PELI2: variants seen among roughly 807,000 people sequenced by gnomAD.
PELI2 encodes pellino E3 ubiquitin protein ligase family member 2.
PELI2 carries 23 observed loss-of-function variants against 42.3 expected under a neutral mutation model. That is an observed-to-expected ratio of 0.54 (90% CI 0.39 to 0.77). PELI2 has a LOEUF of 0.77. Among genes scored for constraint, PELI2 ranks in the 30% least tolerant of loss-of-function variants. PELI2 has a pLI of 0.00. For missense variants in PELI2, 463 were observed against 553.2 expected (o/e 0.84, Z 1.64); for synonymous variants, 245 against 212.2 (o/e 1.15, Z -1.34).
intron 1 of PELI2, among the ~76,000 whole-genome samples, chr14:56,146,278 A>T (rs1884114472): frequency 6.6e-6 from 1 of 152,220 alleles, no homozygotes; most frequent in South Asian, 2.1e-4. Flanking sequence ...TTAGTGACAG[A>T]CAATGGAAAT....
intron 1 of PELI2, chr14:56,119,796 T>G (rs1420936644): frequency 1.0e-6 from 1 of 984,818 alleles, no homozygotes. Context: ...TGTGTCGCTC[T>G]GGGAACCCGC....
chr14:56,158,360 G>A (rs1360637791), intron 1 of PELI2, among the ~76,000 whole-genome samples: 1 of 151,550 alleles, frequency 6.6e-6, no homozygotes, highest in Non-Finnish European at 1.5e-5. Flanking sequence ...TTAATTTTTC[G>A]AGACAGGGTC....
Position 56,300,475 on chromosome 14 carries a change from A to T in PELI2, c.*3309A>T, listed in dbSNP as rs908666278. 6.6e-6 allele frequency: 1 copy of T among 152,288 alleles called. No individual in the cohort carries two copies. Among genetic ancestry groups the T allele is most frequent in the Admixed American group, 6.6e-5 (1 of 15,266 alleles). The allele number at this position is 152,288 out of a possible 1,614,324, so 9.4% of individuals were successfully genotyped here. ...TTTTTTTTTTTCATGGAAAAACTCAAACCTCTGTTATTTGGGAGCTCAGTA... is the reference window on the plus strand; with the variant it reads ...TTTTTTTTTTTCATGGAAAAACTCATACCTCTGTTATTTGGGAGCTCAGTA... On this transcript the variant is annotated 3_prime_UTR_variant, in exon 6 of 6. Coordinates refer to ENST00000267460, the MANE Select transcript of PELI2 (RefSeq NM_021255.3).
intron 2 of PELI2, among the ~76,000 whole-genome samples, chr14:56,252,854 CTA>C (rs1888394423): frequency 6.6e-6 from 1 of 152,146 alleles, no homozygotes; most frequent in Admixed American, 6.5e-5. Flanking sequence ...TCAACTCATT[CTA>C]TGAGGCCAGC....
At chr14:56,140,189 T>G (rs185433551) in intron 1 of PELI2, among the ~76,000 whole-genome samples, 46 of 152,244 alleles carry the variant, frequency 3.0e-4, no homozygotes, top group African/African-American at 1.1e-3. Context: ...GTTTATAATT[T>G]TACAGAATTG....
chr14:56,213,093 A>T (rs1886767313), intron 2 of PELI2, among the ~76,000 whole-genome samples: 1 of 152,206 alleles, frequency 6.6e-6, no homozygotes, highest in Admixed American at 6.5e-5. Flanking sequence ...ACTCAAGCCC[A>T]TCTTTAAAAT....
intron 1 of PELI2, among the ~76,000 whole-genome samples, chr14:56,164,865 C>A (rs1243439203): frequency 2.0e-5 from 3 of 151,794 alleles, no homozygotes; most frequent in African/African-American, 7.3e-5. Flanking sequence ...TGGATTTCTG[C>A]AGTAGTATCA....
At chr14:56,168,481 G>T (rs1270226894) in intron 1 of PELI2, among the ~76,000 whole-genome samples, 1 of 152,164 alleles carries the variant, frequency 6.6e-6, no homozygotes, top group Non-Finnish European at 1.5e-5. Flanking sequence ...AGTACTGCCA[G>T]ACTACTGCCA....
chr14:56,132,082 AG>A (rs1487150511), intron 1 of PELI2, among the ~76,000 whole-genome samples: 1 of 152,122 alleles, frequency 6.6e-6, no homozygotes, highest in Non-Finnish European at 1.5e-5. Context: ...AGGCTTATAA[AG>A]GGGCCCAGGC....
rs186698775 is a variant in PELI2, at chr14:56,276,303, G to A, written c.208-3373G>A. On this transcript the variant is annotated intron_variant, in intron 2 of 5. Coordinates refer to ENST00000267460, the MANE Select transcript of PELI2 (RefSeq NM_021255.3). Reference sequence around the variant, plus strand: ...GTGAGCCCTAATTCATGTAATTGAAGGAAGTCTACACTTCCCCATTTATTG... The same window carrying A: ...GTGAGCCCTAATTCATGTAATTGAAAGAAGTCTACACTTCCCCATTTATTG... Among the ~76,000 whole-genome samples the A allele has an allele frequency of 1.5e-3, 230 of 152,250 alleles. 1 individual carries two copies. Among genetic ancestry groups the A allele is most frequent in the African/African-American group, 5.3e-3 (222 of 41,556 alleles).
intron 1 of PELI2, among the ~76,000 whole-genome samples, chr14:56,127,144 CA>C (rs1306085601): frequency 6.6e-6 from 1 of 152,050 alleles, no homozygotes; most frequent in Admixed American, 6.6e-5. Flanking sequence ...TGTTAATCTC[CA>C]ATATTATCTG....
intron 2 of PELI2, among the ~76,000 whole-genome samples, chr14:56,192,872 TTTC>T (rs1338191099): frequency 6.6e-6 from 1 of 152,196 alleles, no homozygotes; most frequent in Non-Finnish European, 1.5e-5. Context: ...TAGTACATCT[TTTC>T]TTCTTATTTT....
At chr14:56,139,992 T>C (rs997924745) in intron 1 of PELI2, among the ~76,000 whole-genome samples, 2 of 151,886 alleles carry the variant, frequency 1.3e-5, no homozygotes, top group African/African-American at 4.8e-5. Flanking sequence ...AATGAATGAT[T>C]AATTTATTCT....
At chr14:56,165,707 T>C (rs1031474024) in intron 1 of PELI2, among the ~76,000 whole-genome samples, 11 of 152,192 alleles carry the variant, frequency 7.2e-5, no homozygotes, top group Admixed American at 2.0e-4. Flanking sequence ...TATTATTGTA[T>C]TGGGGCTTAT....
At chr14:56,119,675 A>T (rs924516754) in intron 1 of PELI2, 1 of 728,834 alleles carries the variant, frequency 1.4e-6, no homozygotes, top group East Asian at 1.3e-4. Context: ...CGGGCTTAAA[A>T]CTGGATATAG....
intron 2 of PELI2, among the ~76,000 whole-genome samples, chr14:56,227,130 G>C (rs539224259): frequency 1.3e-5 from 2 of 152,188 alleles, no homozygotes; most frequent in South Asian, 4.1e-4. Flanking sequence ...TCCTCTTCCA[G>C]TTGCTCAACA....
chr14:56,230,340 C>A (rs1887511241), intron 2 of PELI2, among the ~76,000 whole-genome samples: 1 of 152,136 alleles, frequency 6.6e-6, no homozygotes, highest in Admixed American at 6.5e-5. Flanking sequence ...ATGTTAAGGG[C>A]AGCCAGAGAG....
intron 1 of PELI2, among the ~76,000 whole-genome samples, chr14:56,173,551 A>T (rs1345414280): frequency 6.6e-6 from 1 of 152,178 alleles, no homozygotes; most frequent in Non-Finnish European, 1.5e-5. Context: ...AAACTTGGTA[A>T]CAACAACAGA....
chr14:56,224,379 C>T (rs1887265103), intron 2 of PELI2, among the ~76,000 whole-genome samples: 1 of 152,196 alleles, frequency 6.6e-6, no homozygotes, highest in Non-Finnish European at 1.5e-5. Flanking sequence ...AGTGTGTGGT[C>T]TGCACAGTTA....
Sources: gnomAD v4.1 joint callset for allele counts (sites outside exome capture counted in the v4.1 genomes callset) on GRCh38, gnomAD v4.1.1 for gene constraint, MANE v1.5 for transcripts, NCBI Gene and HGNC (gene_info 2026-07-23, HGNC 2026-07-21) for gene names.